Variants in STPG2 observed in about 807,000 individuals in gnomAD.
STPG2 encodes the protein sperm tail PG-rich repeat containing 2, also known as sperm-tail PG-rich repeat-containing protein 2.
Under a neutral mutation model 54.2 loss-of-function variants are expected in STPG2, and 56 were observed. The observed-to-expected ratio is 1.03, with a 90% CI of 0.83 to 1.29. STPG2 has a LOEUF of 1.29. STPG2 is among the 50% of genes most tolerant of loss of function. STPG2 has a pLI of 0.00. For missense variants in STPG2, 596 were observed against 544.9 expected (o/e 1.09, Z -0.93); for synonymous variants, 200 against 181.8 (o/e 1.10, Z -0.81).
chr4:97,877,516 C>T (rs1730222324), intron 8 of STPG2, among the ~76,000 whole-genome samples: 1 of 152,126 alleles, frequency 6.6e-6, no homozygotes, highest in Admixed American at 6.6e-5. Context: ...AAGGCAAAGG[C>T]ATGTCTTACA....
chr4:97,578,240 G>T (rs896825696), intron 10 of STPG2, among the ~76,000 whole-genome samples: 5 of 151,786 alleles, frequency 3.3e-5, no homozygotes, highest in African/African-American at 1.2e-4. Context: ...GAGTAGCTGG[G>T]ACCACAGATG....
intron 10 of STPG2, among the ~76,000 whole-genome samples, chr4:97,646,512 T>C (rs1721915191): frequency 6.6e-6 from 1 of 152,138 alleles, no homozygotes; most frequent in African/African-American, 2.4e-5. Context: ...AGATCTATAA[T>C]GGAAACCAGG....
At chr4:97,765,983 T>C (rs980521021) in intron 9 of STPG2, among the ~76,000 whole-genome samples, 1 of 152,142 alleles carries the variant, frequency 6.6e-6, no homozygotes, top group Non-Finnish European at 1.5e-5. Flanking sequence ...GAGGGAACTT[T>C]CTAACTTGCA....
At chr4:97,727,331 C>CT (rs1724656876) in intron 9 of STPG2, among the ~76,000 whole-genome samples, 2 of 151,436 alleles carry the variant, frequency 1.3e-5, no homozygotes, top group Admixed American at 1.3e-4. Context: ...AATAAATCAC[C>CT]TTTTTTATGA....
chr4:97,725,185 A>G (rs1357329662), intron 9 of STPG2, among the ~76,000 whole-genome samples: 3 of 152,074 alleles, frequency 2.0e-5, no homozygotes, highest in Non-Finnish European at 2.9e-5. Context: ...CCACTAATAA[A>G]TTCATCTTAA....
At chr4:97,749,104 G>A (rs1026275194) in intron 9 of STPG2, among the ~76,000 whole-genome samples, 1 of 151,630 alleles carries the variant, frequency 6.6e-6, no homozygotes, top group African/African-American at 2.4e-5. Context: ...AAATTAGTGT[G>A]TGCATAAAAC....
chr4:97,822,273 G>C (rs1728117763), intron 9 of STPG2, among the ~76,000 whole-genome samples: 1 of 152,182 alleles, frequency 6.6e-6, no homozygotes, highest in Admixed American at 6.5e-5. Context: ...ATTTGCTCCA[G>C]TTCTTAATAA....
intron 8 of STPG2, among the ~76,000 whole-genome samples, chr4:97,903,511 T>C (rs1422731388): frequency 6.7e-6 from 1 of 149,460 alleles, no homozygotes; most frequent in Non-Finnish European, 1.5e-5. Flanking sequence ...GTGAGTACAA[T>C]AAATATAGAA....
chr4:97,980,459 T>C (rs1324914101), intron 6 of STPG2, among the ~76,000 whole-genome samples: 1 of 151,958 alleles, frequency 6.6e-6, no homozygotes, highest in African/African-American at 2.4e-5. Flanking sequence ...ATCCTGGGAG[T>C]TCTGTGGCTG....
chr4:97,446,327 C>T (rs1043824327), intron 4 of STPG2, among the ~76,000 whole-genome samples: 1 of 152,186 alleles, frequency 6.6e-6, no homozygotes, highest in Admixed American at 6.5e-5. Context: ...TCTAGAGGAA[C>T]ACAGATTGTC....
intron 10 of STPG2, among the ~76,000 whole-genome samples, chr4:97,575,212 AAAG>A (rs1237253178): frequency 6.6e-6 from 1 of 152,068 alleles, no homozygotes; most frequent in Non-Finnish European, 1.5e-5. Context: ...CCAGACATAC[AAAG>A]AAGAACTGGT....
chr4:97,931,229 A>G (rs1732534938), intron 8 of STPG2, among the ~76,000 whole-genome samples: 2 of 152,158 alleles, frequency 1.3e-5, no homozygotes, highest in Admixed American at 1.3e-4. Flanking sequence ...TGCTGAATAA[A>G]AGTGGTGAGA....
chr4:98,108,042 A>G (rs1335587524), intron 4 of STPG2, among the ~76,000 whole-genome samples: 2 of 152,136 alleles, frequency 1.3e-5, no homozygotes, highest in Non-Finnish European at 2.9e-5. Flanking sequence ...GAAAAAGTGA[A>G]CAGCATAATG....
chr4:97,901,278 A>G lies in STPG2; in HGVS notation c.1044+42619T>C, dbSNP rs79669534. Among the ~76,000 whole-genome samples, 58 of 152,120 alleles carry G rather than the reference A, an allele frequency of 3.8e-4. No individual in the cohort carries two copies. In the East Asian group the frequency reaches 0.011, roughly 28 times the overall value. On this transcript the variant is annotated intron_variant, in intron 8 of 10. Transcript: ENST00000295268. ...CAAAGCTTTTCCTTTAAGATCAGGAACAAGACAAAGATGCCCACTTTGCCA... is the reference window on the plus strand; with the variant it reads ...CAAAGCTTTTCCTTTAAGATCAGGAGCAAGACAAAGATGCCCACTTTGCCA...
At chr4:97,888,250 C>G (rs1348886019) in intron 8 of STPG2, among the ~76,000 whole-genome samples, 1 of 152,138 alleles carries the variant, frequency 6.6e-6, no homozygotes, top group Non-Finnish European at 1.5e-5. Context: ...ATCCTCCAGA[C>G]CCCAGAATGG....
rs1368377342 is a variant in STPG2 at position 98,084,713 on chromosome 4, G to A, written c.612+21240C>T. ...GTTTGCATGTTCCTAATGACAAACG[G>A]TTTAGAGCAACTTTTGTTGTGCTTA... On this transcript the variant is annotated intron_variant, in intron 5 of 10. Coordinates refer to ENST00000295268, the MANE Select transcript of STPG2 (RefSeq NM_174952.3). Among the ~76,000 whole-genome samples, 3 of 152,132 alleles carry A rather than the reference G, an allele frequency of 2.0e-5. No individual in the cohort carries two copies. In the East Asian group the frequency reaches 5.8e-4, roughly 29 times the overall value.
intron 9 of STPG2, among the ~76,000 whole-genome samples, chr4:97,791,184 G>T (rs1397298345): frequency 6.6e-6 from 1 of 152,096 alleles, no homozygotes; most frequent in Non-Finnish European, 1.5e-5. Flanking sequence ...CAATGAGATG[G>T]AAAACTGTCT....
chr4:97,939,931 G>A (rs1732910818), intron 8 of STPG2, among the ~76,000 whole-genome samples: 1 of 152,116 alleles, frequency 6.6e-6, no homozygotes, highest in African/African-American at 2.4e-5. Context: ...TTTCATATTA[G>A]CTGGTAGTGG....
intron 10 of STPG2, among the ~76,000 whole-genome samples, chr4:97,625,275 G>C (rs914553640): frequency 2.6e-5 from 4 of 152,124 alleles, no homozygotes; most frequent in Non-Finnish European, 5.9e-5. Flanking sequence ...AATAAACAGG[G>C]CTTTATAATA....
Sources: allele counts gnomAD v4.1 joint callset (sites outside exome capture counted in the v4.1 genomes callset), GRCh38; gene constraint gnomAD v4.1.1; transcripts MANE v1.5; gene names NCBI Gene and HGNC (gene_info 2026-07-23, HGNC 2026-07-21).